The following INTS12 variants were observed in gnomAD, a reference collection of about 807,000 sequenced individuals.
INTS12 encodes the protein integrator complex subunit 12.
A neutral mutation model predicts 41.6 loss-of-function variants in INTS12; 13 were observed. The ratio of observed to expected loss-of-function variants is 0.31; its 90% CI spans 0.20 to 0.50. The LOEUF (loss-of-function observed/expected upper bound fraction) is 0.50. INTS12 is among the 20% of genes least tolerant of loss of function. INTS12 has a pLI of 0.98. For missense variants in INTS12, 432 were observed against 541.6 expected, an observed-to-expected ratio of 0.80 and a Z score of 2.01; for synonymous variants, 199 against 191.4, an observed-to-expected ratio of 1.04 and a Z score of -0.33.
Position 105,682,830 on chromosome 4 carries a change from G to T in INTS12, c.1292C>A (p.Ser431Tyr), listed in dbSNP as rs749527653. Residue 431 changes from serine (S) to tyrosine (Y), a missense_variant, in exon 8 of 8, where the codon TCC becomes TAC. Ser to Tyr is a moderately radical substitution (Grantham distance 144, BLOSUM62 -2). Coordinates refer to ENST00000340139, the MANE Select transcript of INTS12 (RefSeq NM_020395.4). Reference protein sequence around the residue: ...TSESSSSPSASLKGPTSQESQ... With the variant: ...TSESSSSPSAYLKGPTSQESQ... The stretch of plus-strand genomic sequence containing the variant: ...TTCTTGTGAAGTTGGGCCTTTAAGG[G>T]ATGCTGAGGGAGAGCTGCTGGATTC... 1 of 1,614,126 alleles carries T rather than the reference G, an allele frequency of 6.2e-7. No homozygotes were observed. The highest frequency in any genetic ancestry group is 8.5e-7 in the Non-Finnish European group (1 of 1,179,956).
intron 3 of INTS12, among the ~76,000 whole-genome samples, chr4:105,697,302 C>G (rs1731901312): frequency 6.6e-6 from 1 of 152,198 alleles, no homozygotes; most frequent in Admixed American, 6.5e-5. Context: ...TCCCATCATT[C>G]TAAACAAAAC....
At chr4:105,694,527 T>C (rs2149183867) in intron 4 of INTS12, among the ~76,000 whole-genome samples, 1 of 152,270 alleles carries the variant, frequency 6.6e-6, no homozygotes. Flanking sequence ...GGTTTTGCCA[T>C]GTTGGCCAGG....
At position 105,683,264 on chromosome 4, in the gene INTS12, T is replaced by A. The variant is rs773880335; in HGVS notation, c.858A>T (p.Val286=). Residue 286 remains valine (V), a synonymous_variant, in exon 8 of 8, where the codon GTA becomes GTT. Coordinates refer to ENST00000340139, the MANE Select transcript of INTS12 (RefSeq NM_020395.4). ...CTGCCCATCCAGTTAAGCCACTAGT[T>A]ACTGACGAGGAAACGCTGGCACTAG... ...NSSSASVSSS[V]TSGLTGWAAF... 1 of 1,613,940 alleles carries A rather than the reference T, an allele frequency of 6.2e-7. No homozygotes were observed. The highest frequency in any genetic ancestry group is 8.5e-7 in the Non-Finnish European group (1 of 1,179,926).
intron 3 of INTS12, among the ~76,000 whole-genome samples, chr4:105,697,131 C>A (rs1232068722): frequency 1.3e-5 from 2 of 152,164 alleles, no homozygotes; most frequent in Non-Finnish European, 2.9e-5. Context: ...CAAATATTTT[C>A]TCTCAGTCTG....
chr4:105,683,029 G>A lies in INTS12; in HGVS notation c.1093C>T (p.Pro365Ser), dbSNP rs757482103. The change falls in exon 8 of 8, where the codon CCT becomes TCT. Residue 365 changes from proline to serine, a missense_variant. Pro to Ser is a moderately conservative substitution (Grantham distance 74). This residue lies in a region of INTS12 where 258 missense variants were observed against 309.9 expected (regional missense o/e 0.83). Coordinates refer to ENST00000340139, the MANE Select transcript of INTS12 (RefSeq NM_020395.4). Reference sequence around the variant, plus strand: ...AGGCCAGTTTTACCCAAGGTTAGAGGTGGAGGTGGTTTTAAAGGTACAGTG... The same window carrying A: ...AGGCCAGTTTTACCCAAGGTTAGAGATGGAGGTGGTTTTAAAGGTACAGTG... Reference protein sequence around the residue: ...TPTVPLKPPPPLTLGKTGLSR... With the variant: ...TPTVPLKPPPSLTLGKTGLSR... The A allele has an allele frequency of 1.2e-5, 20 of 1,614,046 alleles. No individual in the cohort carries two copies. In the Admixed American group the frequency reaches 1.3e-4, roughly 11 times the overall value.
intron 7 of INTS12, among the ~76,000 whole-genome samples, chr4:105,685,235 C>T (rs528908929): frequency 8.6e-5 from 13 of 152,006 alleles, no homozygotes; most frequent in Admixed American, 2.6e-4. Context: ...AACACAAAAC[C>T]TCTTAATCAA....
chr4:105,702,729 A>G (rs1732128261), intron 2 of INTS12, among the ~76,000 whole-genome samples: 1 of 152,200 alleles, frequency 6.6e-6, no homozygotes, highest in Non-Finnish European at 1.5e-5. Flanking sequence ...TCTTTGTTAC[A>G]GAAGCCTCCA....
chr4:105,695,775 T>C (rs1213014519), intron 3 of INTS12, 107 bp from the exon 4 acceptor site: 8 of 840,276 alleles, frequency 9.5e-6, no homozygotes, highest in East Asian at 2.7e-5. Context: ...CATTTCATTA[T>C]AACCAATGTA....
At chr4:105,695,451 T>C (rs1469537553) in intron 4 of INTS12, 65 bp downstream of exon 4, 3 of 1,294,186 alleles carry the variant, frequency 2.3e-6, no homozygotes, top group Non-Finnish European at 3.2e-6. Context: ...CATAAAACAT[T>C]GTTTCTTTCT....
At chr4:105,695,448 C>A in intron 4 of INTS12, 68 bp downstream of exon 4, 1 of 1,260,308 alleles carries the variant, frequency 7.9e-7, no homozygotes, top group Admixed American at 2.2e-5. Context: ...AGGCATAAAA[C>A]ATTGTTTCTT....
intron 7 of INTS12, among the ~76,000 whole-genome samples, chr4:105,686,166 G>A (rs995634477): frequency 3.9e-5 from 6 of 152,138 alleles, no homozygotes; most frequent in Non-Finnish European, 7.4e-5. Flanking sequence ...GGGTTCAAGC[G>A]ATTCTCCTGC....
At chr4:105,693,525 G>C (rs1427152788) in intron 4 of INTS12, 39 bp from the exon 5 acceptor site, 1 of 1,546,324 alleles carries the variant, frequency 6.5e-7, no homozygotes. Flanking sequence ...AAAGTAATGT[G>C]GTAGAATAAA....
intron 1 of INTS12, chr4:105,706,210 T>A (rs1732255812): frequency 1.3e-5 from 2 of 151,948 alleles, no homozygotes; most frequent in Admixed American, 6.6e-5. Flanking sequence ...TCAACTATCA[T>A]CTCTGGGTAG....
intron 6 of INTS12, among the ~76,000 whole-genome samples, chr4:105,688,477 C>G (rs772948558): frequency 6.6e-6 from 1 of 152,146 alleles, no homozygotes; most frequent in Non-Finnish European, 1.5e-5. Flanking sequence ...TCAAAGTACA[C>G]CTACCTTCAA....
chr4:105,683,345 TAG>T, intron 7 of INTS12, 28 bp from the exon 8 acceptor site: 1 of 1,496,422 alleles, frequency 6.7e-7, no homozygotes, highest in Non-Finnish European at 9.0e-7. Flanking sequence ...ATAATTACAT[TAG>T]AGCCAAGTTT....
At chr4:105,694,011 G>A (rs1433709214) in intron 4 of INTS12, among the ~76,000 whole-genome samples, 1 of 152,150 alleles carries the variant, frequency 6.6e-6, no homozygotes, top group African/African-American at 2.4e-5. Flanking sequence ...TGTTGAAGAT[G>A]TCATATCCTA....
intron 6 of INTS12, 22 bp from the exon 7 acceptor site, chr4:105,686,860 A>G: frequency 1.2e-6 from 2 of 1,608,654 alleles, no homozygotes; most frequent in Non-Finnish European, 1.7e-6. Context: ...AGTGGATTAA[A>G]TCAGATACAA....
At chr4:105,703,254 G>C (rs1430813497) in intron 2 of INTS12, among the ~76,000 whole-genome samples, 1 of 152,188 alleles carries the variant, frequency 6.6e-6, no homozygotes, top group Admixed American at 6.5e-5. Context: ...CATTTAAAAA[G>C]TAGATGTTGC....
At chr4:105,697,979 G>A (rs1731928426) in intron 3 of INTS12, among the ~76,000 whole-genome samples, 1 of 152,180 alleles carries the variant, frequency 6.6e-6, no homozygotes, top group South Asian at 2.1e-4. Flanking sequence ...GAACCTGGGA[G>A]GGAGAGAGCG....
Sources: gnomAD v4.1 joint callset for allele counts (sites outside exome capture counted in the v4.1 genomes callset) on GRCh38, gnomAD v4.1.1 for gene constraint, gnomAD v4.1.1 regional missense constraint, MANE v1.5 for transcripts, NCBI Gene and HGNC (gene_info 2026-07-23, HGNC 2026-07-21) for gene names.